LMO7: variants seen among roughly 807,000 people sequenced by gnomAD.
LMO7 encodes the protein LIM domain only protein 7.
A neutral mutation model predicts 206.5 loss-of-function variants in LMO7; 120 were observed. The observed-to-expected ratio is 0.58, with a 90% CI of 0.50 to 0.68. The LOEUF is 0.68. Among genes scored for constraint, LMO7 ranks in the 30% least tolerant of loss-of-function variants. The pLI is 0.00. For synonymous variants in LMO7, 706 were observed against 681.5 expected, an observed-to-expected ratio of 1.04 and a Z score of -0.56; for missense variants, 1,959 against 1,957.9, an observed-to-expected ratio of 1.00 and a Z score of -0.01.
chr13:75,637,842 A>G (rs1057262431), intron 1 of LMO7, among the ~76,000 whole-genome samples: 20 of 152,226 alleles, frequency 1.3e-4, no homozygotes, highest in Non-Finnish European at 2.6e-4. Context: ...ACCACGGGAC[A>G]GTAGGGAGGT....
chr13:75,678,606 C>T (rs1239486566), intron 1 of LMO7, among the ~76,000 whole-genome samples: 1 of 152,216 alleles, frequency 6.6e-6, no homozygotes, highest in Non-Finnish European at 1.5e-5. Flanking sequence ...CTCAGAATTT[C>T]TGCCTGCTTC....
upstream of LMO7, among the ~76,000 whole-genome samples, chr13:75,632,954 T>C (rs2035178245): frequency 7.0e-6 from 1 of 142,262 alleles, no homozygotes; most frequent in South Asian, 2.3e-4. Context: ...TCTGCCCTCC[T>C]GGGTTCAAGT....
At chr13:75,699,424 C>A (rs1315691581) in intron 1 of LMO7, among the ~76,000 whole-genome samples, 3 of 127,736 alleles carry the variant, frequency 2.3e-5, no homozygotes, top group East Asian at 2.3e-4. Context: ...TTTTTTTTTA[C>A]TGTAGTATCA....
rs2139664317 is a variant in LMO7 at position 75,853,056 on chromosome 13, G to A, written c.4365-36G>A. On this transcript the variant is annotated intron_variant, in intron 27 of 30. Transcript: ENST00000377534. ...ATTAAATAGATTTCTAGTTGAACAT[G>A]TCACATTATTTTGATGAGTCTTTTT... is the stretch of plus-strand genomic sequence containing the variant. 3 of 1,497,710 alleles carry A rather than the reference G, an allele frequency of 2.0e-6. No individual in the cohort carries two copies. In the South Asian group the frequency reaches 3.8e-5, roughly 19 times the overall value. The allele number at this position is 1,497,710 out of a possible 1,614,324, so 92.8% of individuals were successfully genotyped here.
intron 14 of LMO7, among the ~76,000 whole-genome samples, chr13:75,823,309 A>G (rs1050071122): frequency 7.2e-5 from 11 of 152,186 alleles, no homozygotes; most frequent in African/African-American, 2.7e-4. Flanking sequence ...AATGCTTAAG[A>G]TGTTTGCTTG....
chr13:75,691,213 A>G (rs2041447519), intron 1 of LMO7, among the ~76,000 whole-genome samples: 1 of 152,216 alleles, frequency 6.6e-6, no homozygotes, highest in Non-Finnish European at 1.5e-5. Context: ...GTTTTGCTTC[A>G]GGTAAGGTGA....
chr13:75,746,496 T>A (rs575946892), intron 3 of LMO7, among the ~76,000 whole-genome samples: 8 of 152,140 alleles, frequency 5.3e-5, no homozygotes, highest in Admixed American at 5.2e-4. Context: ...TGCGGGTGGG[T>A]TTTGTTCATC....
chr13:75,821,216 G>A lies in LMO7; in HGVS notation c.2247G>A (p.Arg749=), dbSNP rs1263320368. The A allele has an allele frequency of 6.2e-7, 1 of 1,611,938 alleles. No homozygotes were observed. The highest frequency in any genetic ancestry group is 2.2e-5 in the East Asian group (1 of 44,848). Residue 749 remains arginine (R), a synonymous_variant, in exon 14 of 31, where the codon AGG becomes AGA. Transcript: ENST00000377534. ...QNQKSTVPSR[R]RMYSFDDVLE... Reference sequence around the variant, plus strand: ...AAAAGTCTACAGTTCCGTCAAGAAGGAGAATGTATTCTTTTGATGATGTGC... The same window carrying A: ...AAAAGTCTACAGTTCCGTCAAGAAGAAGAATGTATTCTTTTGATGATGTGC...
At chr13:75,751,554 T>C (rs752932138) in intron 3 of LMO7, among the ~76,000 whole-genome samples, 3 of 152,194 alleles carry the variant, frequency 2.0e-5, no homozygotes, top group Non-Finnish European at 4.4e-5. Context: ...ATTTGGTTAA[T>C]TGACAGGGAA....
chr13:75,740,843 C>T (rs1039340568), intron 3 of LMO7, among the ~76,000 whole-genome samples: 4 of 152,164 alleles, frequency 2.6e-5, no homozygotes, highest in East Asian at 1.9e-4. Flanking sequence ...CCTGTAGCAA[C>T]GATCTGGCAC....
intron 1 of LMO7, among the ~76,000 whole-genome samples, chr13:75,655,299 A>G (rs975211390): frequency 1.5e-4 from 23 of 152,038 alleles, no homozygotes; most frequent in African/African-American, 5.6e-4. Flanking sequence ...GAGTTTTTCC[A>G]CAGTCTTCTC....
intron 18 of LMO7, 118 bp from the exon 19 acceptor site, chr13:75,836,279 C>T: frequency 8.1e-6 from 5 of 616,778 alleles, no homozygotes; most frequent in Admixed American, 3.7e-5. Context: ...GTAAGGAATG[C>T]ATCAATATCC....
chr13:75,737,777 T>TAAAAAAA (rs1391839155), intron 3 of LMO7, among the ~76,000 whole-genome samples: 30 of 22,670 alleles, frequency 1.3e-3, no homozygotes, highest in East Asian at 3.9e-3. Context: ...TAAAATAAAA[T>TAAAAAAA]AAAATAAAAA....
rs554996848 is a variant in LMO7, at chr13:75,792,425, G to A, written c.318-2976G>A. 2.0e-4 allele frequency among the ~76,000 whole-genome samples: 30 copies of A among 152,266 alleles called. No homozygotes were observed. In the South Asian group the frequency reaches 2.9e-3, roughly 15 times the overall value. ...TGAGACCCAGATCTGACTCCAAAGC[G>A]CAGGCACTTAAACATGGTATCAGAC... On this transcript the variant is annotated intron_variant, in intron 4 of 30. Coordinates refer to ENST00000377534, the MANE Select transcript of LMO7 (RefSeq NM_001306080.2).
intron 2 of LMO7, among the ~76,000 whole-genome samples, chr13:75,624,142 G>C (rs2033714531): frequency 6.6e-6 from 1 of 152,146 alleles, no homozygotes; most frequent in Non-Finnish European, 1.5e-5. Context: ...ATCCTTCCCA[G>C]GTAGCACTTT....
rs58964680 is a variant in LMO7, at chr13:75,776,162, G to GATATATATATATAT, written c.317+15154_317+15167dup. The stretch of plus-strand genomic sequence containing the variant: ...ATATATATGCCATGTATATATATCG[G>GATATATATATATAT]ATATATATATATATATATATATATA... On this transcript the variant is annotated intron_variant, in intron 4 of 30. Coordinates refer to ENST00000377534, the MANE Select transcript of LMO7 (RefSeq NM_001306080.2). 7.6e-3 allele frequency among the ~76,000 whole-genome samples: 279 copies of GATATATATATATAT among 36,728 alleles called. 21 individuals carry two copies. The highest frequency in any genetic ancestry group is 0.011 in the Non-Finnish European group (186 of 16,616). The allele number at this position is 36,728 out of a possible 152,430, so 24.1% of individuals were successfully genotyped here.
intron 3 of LMO7, among the ~76,000 whole-genome samples, chr13:75,750,258 G>A (rs527967064): frequency 5.3e-5 from 8 of 152,094 alleles, no homozygotes; most frequent in East Asian, 1.9e-4. Context: ...TAATCTCTGG[G>A]TGACTTATGT....
intron 1 of LMO7, among the ~76,000 whole-genome samples, chr13:75,681,706 G>GTATATATATATGTATATATATATATA (rs1267248192): frequency 1.1e-5 from 1 of 93,326 alleles, no homozygotes; most frequent in African/African-American, 3.6e-5. Context: ...GTATGTATGT[G>GTATATATATATGTATATATATATATA]TATATATATA....
intron 4 of LMO7, among the ~76,000 whole-genome samples, chr13:75,784,900 C>T (rs909588475): frequency 6.6e-6 from 1 of 152,054 alleles, no homozygotes; most frequent in Non-Finnish European, 1.5e-5. Flanking sequence ...AAGGACCCAG[C>T]AGTGGTAAAA....
Sources: allele counts gnomAD v4.1 joint callset (sites outside exome capture counted in the v4.1 genomes callset), GRCh38; gene constraint gnomAD v4.1.1; transcripts MANE v1.5; gene names NCBI Gene and HGNC (gene_info 2026-07-23, HGNC 2026-07-21).